SLC30A5: variants seen among roughly 807,000 people sequenced by gnomAD.
SLC30A5 encodes proton-coupled zinc antiporter SLC30A5.
Under a neutral mutation model 79.6 loss-of-function variants are expected in SLC30A5, and 33 were observed. The ratio of observed to expected loss-of-function variants is 0.41; its 90% confidence interval spans 0.31 to 0.55. SLC30A5 has a LOEUF of 0.55. Ranked by LOEUF, SLC30A5 falls within the 20% of genes least tolerant of loss-of-function variation. The probability of loss-of-function intolerance (pLI) is 0.20; values close to 1 mark genes in which losing one functional copy is unlikely to be tolerated. For missense variants in SLC30A5, 788 were observed against 928.1 expected (o/e 0.85, Z 1.96); for synonymous variants, 299 against 319.7 (o/e 0.94, Z 0.69).
At chr5:69,097,367 G>A (rs1226204473) in intron 1 of SLC30A5, among the ~76,000 whole-genome samples, 1 of 152,050 alleles carries the variant, frequency 6.6e-6, no homozygotes, top group Non-Finnish European at 1.5e-5. Context: ...CGCCCGCCTG[G>A]GCCTCCCAAA....
intron 14 of SLC30A5, among the ~76,000 whole-genome samples, chr5:69,127,648 C>A (rs1199351640): frequency 2.0e-5 from 3 of 151,760 alleles, no homozygotes; most frequent in Non-Finnish European, 4.4e-5. Flanking sequence ...TCAAAAAAAA[C>A]AAAAACGAAC....
intron 6 of SLC30A5, 140 bp from the exon 7 acceptor site, chr5:69,114,280 T>A (rs1746305751): frequency 2.1e-6 from 1 of 479,480 alleles, no homozygotes; most frequent in Non-Finnish European, 3.7e-6. Flanking sequence ...AAGTGAAACA[T>A]GTTATTGAAA....
intron 15 of SLC30A5, among the ~76,000 whole-genome samples, chr5:69,129,085 T>C (rs1490076525): frequency 6.6e-6 from 1 of 152,194 alleles, no homozygotes; most frequent in Non-Finnish European, 1.5e-5. Flanking sequence ...TGCCTCAGCC[T>C]CCCTGGGCCA....
chr5:69,128,688 T>G (rs1746770167), intron 15 of SLC30A5, among the ~76,000 whole-genome samples: 1 of 152,192 alleles, frequency 6.6e-6, no homozygotes, highest in Admixed American at 6.5e-5. Context: ...ATAAAAAAAT[T>G]CATTTATGAG....
chr5:69,117,299 G>A lies in SLC30A5; in HGVS notation c.1342G>A (p.Asp448Asn), dbSNP rs773556255. Reference sequence around the variant, plus strand: ...GACCAATAGTCTGGGCCTGATCTCGGATGGATTCCACATGCTTTTTGACTG... The same window carrying A: ...GACCAATAGTCTGGGCCTGATCTCGAATGGATTCCACATGCTTTTTGACTG... ...VLTNSLGLIS[D>N]GFHMLFDCSA... is the part of the protein sequence containing the mutation. The change falls in exon 11 of 16, where the codon GAT becomes AAT. Residue 448 changes from aspartate (D) to asparagine (N), a missense_variant. By Grantham distance (23) the Asp-to-Asn change is conservative. Coordinates refer to ENST00000396591, the MANE Select transcript of SLC30A5 (RefSeq NM_022902.5). The A allele has an allele frequency of 1.2e-6, 2 of 1,613,826 alleles. No individual in the cohort carries two copies. The highest frequency in any genetic ancestry group is 1.1e-5 in the South Asian group (1 of 91,052).
chr5:69,097,108 T>C (rs1745760111), intron 1 of SLC30A5, among the ~76,000 whole-genome samples: 1 of 129,640 alleles, frequency 7.7e-6, no homozygotes, highest in Admixed American at 8.0e-5. Flanking sequence ...CCTCTCTTTT[T>C]CTTTTTTTTT....
Position 69,115,371 on chromosome 5 carries a change from G to C in SLC30A5, c.747G>C (p.Leu249Phe). The C allele has an allele frequency of 6.2e-7, 1 of 1,613,892 alleles. No homozygotes were observed. Among genetic ancestry groups the C allele is most frequent in the Non-Finnish European group, 8.5e-7 (1 of 1,179,874 alleles). The change falls in exon 8 of 16, where the codon TTG becomes TTC. Residue 249 changes from leucine to phenylalanine, a missense_variant. Leu to Phe is a conservative substitution (Grantham distance 22). This residue lies in a region of SLC30A5 where 626 missense variants were observed against 755.5 expected (regional missense o/e 0.83). Transcript: ENST00000396591. The part of the protein sequence containing the change: ...ALSHLVSVLL[L>F]CPWVIVLSVT... ...CTCATCTTGTTTCTGTGCTTCTCTT[G>C]TGCCCATGGGTCATTGTTCTTTCTG... is the stretch of plus-strand genomic sequence containing the variant.
Position 69,129,613 on chromosome 5 carries a change from T to C in SLC30A5, c.2294T>C (p.Met765Thr). ...MKYCKDGTYIM is the reference protein window; with the variant it reads ...MKYCKDGTYIT ...TACTGCAAAGATGGTACTTACATCA[T>C]GTGAGATAACTCAAGAATTACCCCT... The change falls in exon 16 of 16, where the codon ATG (methionine) becomes ACG (threonine). Residue 765 changes from methionine to threonine, a missense_variant. By Grantham distance (81) the Met-to-Thr change is moderately conservative. Transcript: ENST00000396591. The C allele has an allele frequency of 6.2e-7, 1 of 1,605,874 alleles. No homozygotes were observed. Among genetic ancestry groups the C allele is most frequent in the Middle Eastern group, 1.7e-4 (1 of 5,956 alleles).
chr5:69,119,389 C>G (rs755383980), intron 12 of SLC30A5, among the ~76,000 whole-genome samples: 1 of 152,068 alleles, frequency 6.6e-6, no homozygotes, highest in Non-Finnish European at 1.5e-5. Context: ...GATTCCTTTT[C>G]TCAGTATTCT....
Position 69,126,791 on chromosome 5 carries a change from A to G in SLC30A5, c.1999-1213A>G, listed in dbSNP as rs538504598. ...TCTTAAAAAAACAAACAAACAAACA[A>G]CAACAACAACAACAACAAAATATAT... is the stretch of plus-strand genomic sequence containing the variant. On this transcript the variant is annotated intron_variant, in intron 14 of 15. Coordinates refer to ENST00000396591, the MANE Select transcript of SLC30A5 (RefSeq NM_022902.5). Among the ~76,000 whole-genome samples, 222 of 150,452 alleles carry G rather than the reference A, an allele frequency of 1.5e-3. 6 individuals carry two copies. Among genetic ancestry groups the G allele is most frequent in the Admixed American group, 0.014 (217 of 15,026 alleles).
intron 6 of SLC30A5, 87 bp from the exon 7 acceptor site, chr5:69,114,332 CA>C: frequency 1.3e-6 from 1 of 781,406 alleles, no homozygotes. Flanking sequence ...ATATGCAATC[CA>C]AAATAATGTA....
At chr5:69,107,734 C>CTT (rs377505223) in intron 4 of SLC30A5, among the ~76,000 whole-genome samples, 34 of 136,998 alleles carry the variant, frequency 2.5e-4, no homozygotes, top group Admixed American at 4.4e-4. Flanking sequence ...GTTGCCTGTA[C>CTT]TTTTTTTTTT....
chr5:69,097,184 C>G (rs1561285185), intron 1 of SLC30A5, among the ~76,000 whole-genome samples: 2 of 134,806 alleles, frequency 1.5e-5, no homozygotes, highest in Non-Finnish European at 3.0e-5. Context: ...GGCGCGATCT[C>G]GGCTCACTGC....
At chr5:69,094,988 C>A (rs1018321049) in intron 1 of SLC30A5, among the ~76,000 whole-genome samples, 3 of 152,090 alleles carry the variant, frequency 2.0e-5, no homozygotes, top group Non-Finnish European at 4.4e-5. Flanking sequence ...ACAGGTGCAG[C>A]GACCACTTTC....
chr5:69,109,085 A>G (rs1746162241), intron 5 of SLC30A5, among the ~76,000 whole-genome samples: 1 of 152,050 alleles, frequency 6.6e-6, no homozygotes, highest in South Asian at 2.1e-4. Flanking sequence ...TTCTTAACCA[A>G]CTCAAGTACA....
chr5:69,117,547 C>A, intron 11 of SLC30A5, 151 bp downstream of exon 11: 1 of 705,142 alleles, frequency 1.4e-6, no homozygotes, highest in Non-Finnish European at 2.3e-6. Context: ...GTGAATCGGG[C>A]ATTTGATAAA....
chr5:69,117,203 A>T, intron 10 of SLC30A5, 36 bp from the exon 11 acceptor site: 1 of 1,575,740 alleles, frequency 6.3e-7, no homozygotes. Context: ...ACAGTGCCCA[A>T]CATACTCCTC....
Position 69,115,255 on chromosome 5 carries a change from G to A in SLC30A5, c.631G>A (p.Val211Ile), listed in dbSNP as rs377230476. The A allele has an allele frequency of 3.1e-6, 5 of 1,609,958 alleles. No individual in the cohort carries two copies. The highest frequency in any genetic ancestry group is 4.2e-6 in the Non-Finnish European group (5 of 1,177,458). The change falls in exon 8 of 16, where the codon GTA (valine) becomes ATA (isoleucine). Residue 211 changes from valine (V) to isoleucine (I), a missense_variant. Transcript: ENST00000396591. Reference sequence around the variant, plus strand: ...CTCACAGGGTGGAGTATTATTGCTAGTACTGGCTTTGTGTTGTAAAGTTGG... The same window carrying A: ...CTCACAGGGTGGAGTATTATTGCTAATACTGGCTTTGTGTTGTAAAGTTGG... ...ADHKGGVLLL[V>I]LALCCKVGFH...
At chr5:69,128,459 C>A (rs561644906) in intron 15 of SLC30A5, among the ~76,000 whole-genome samples, 1 of 152,046 alleles carries the variant, frequency 6.6e-6, no homozygotes, top group East Asian at 1.9e-4. Context: ...GATGGGGTTT[C>A]GCCATGTTGG....
Sources: allele counts gnomAD v4.1 joint callset (sites outside exome capture counted in the v4.1 genomes callset), GRCh38; gene constraint gnomAD v4.1.1; regional missense constraint gnomAD v4.1.1; transcripts MANE v1.5; gene names NCBI Gene and HGNC (gene_info 2026-07-23, HGNC 2026-07-21).